Variants in KIT observed in about 807,000 individuals in gnomAD.
KIT encodes the protein mast/stem cell growth factor receptor Kit.
Under a neutral mutation model 105.7 loss-of-function variants are expected in KIT, and 16 were observed. The observed-to-expected ratio is 0.15, with a 90% CI of 0.10 to 0.23. KIT has a LOEUF of 0.23. KIT is among the 10% of genes least tolerant of loss of function. The pLI is 1.00. For missense variants in KIT, 858 were observed against 1,213.8 expected, an observed-to-expected ratio of 0.71 and a Z score of 4.36; for synonymous variants, 438 against 441.1, an observed-to-expected ratio of 0.99 and a Z score of 0.09.
intron 5 of KIT, among the ~76,000 whole-genome samples, chr4:54,706,641 T>G (rs1720811183): frequency 6.6e-6 from 1 of 152,158 alleles, no homozygotes; most frequent in Admixed American, 6.5e-5. Flanking sequence ...TAAGAAGACC[T>G]AAGGTTATTT....
At chr4:54,661,915 G>C (rs1577904893) in intron 1 of KIT, among the ~76,000 whole-genome samples, 1 of 152,306 alleles carries the variant, frequency 6.6e-6, no homozygotes, top group East Asian at 1.9e-4. Context: ...TGATCATACA[G>C]CTCATCTTTT....
intron 7 of KIT, among the ~76,000 whole-genome samples, chr4:54,716,990 G>C (rs1721544819): frequency 6.6e-6 from 1 of 152,138 alleles, no homozygotes; most frequent in Non-Finnish European, 1.5e-5. Context: ...TCTTTTTATA[G>C]ATAATATGTG....
intron 7 of KIT, among the ~76,000 whole-genome samples, chr4:54,716,350 A>G (rs1285011898): frequency 6.6e-6 from 1 of 152,226 alleles, no homozygotes; most frequent in African/African-American, 2.4e-5. Flanking sequence ...TTTTTAAATT[A>G]AAACAATTTT....
At chr4:54,710,213 G>A (rs1721057197) in intron 7 of KIT, among the ~76,000 whole-genome samples, 1 of 152,204 alleles carries the variant, frequency 6.6e-6, no homozygotes, top group African/African-American at 2.4e-5. Context: ...TCATGAGCTG[G>A]ACCTTTTGCC....
At chr4:54,729,766 C>T (rs1371539110) in intron 14 of KIT, among the ~76,000 whole-genome samples, 1 of 152,280 alleles carries the variant, frequency 6.6e-6, no homozygotes, top group East Asian at 1.9e-4. Context: ...GTTTCTCTTA[C>T]GGTTCTGTCC....
chr4:54,705,996 T>C (rs1041458676), intron 5 of KIT, among the ~76,000 whole-genome samples: 10 of 152,224 alleles, frequency 6.6e-5, no homozygotes, highest in Non-Finnish European at 1.5e-4. Flanking sequence ...ATAAAAATAA[T>C]GTTAGCAATT....
intron 2 of KIT, among the ~76,000 whole-genome samples, chr4:54,696,526 G>A (rs1308696981): frequency 1.3e-5 from 2 of 152,192 alleles, no homozygotes; most frequent in Non-Finnish European, 2.9e-5. Flanking sequence ...GGGTGCCCCT[G>A]GACTGGGGCT....
chr4:54,672,314 T>TTTCC (rs34098981), intron 1 of KIT, among the ~76,000 whole-genome samples: 11 of 151,672 alleles, frequency 7.3e-5, no homozygotes, highest in Non-Finnish European at 1.6e-4. Flanking sequence ...GATTTTTTTT[T>TTTCC]TAATGAGGGT....
At chr4:54,667,194 C>A (rs1577912471) in intron 1 of KIT, among the ~76,000 whole-genome samples, 2 of 152,186 alleles carry the variant, frequency 1.3e-5, no homozygotes, top group African/African-American at 4.8e-5. Context: ...CTACCCTTTC[C>A]ATCTGTCCTT....
rs189895949 is a variant in KIT, at chr4:54,680,051, G to A, written c.68-15461G>A. ...AGTCATTATGCAATATTTCTGTTTG[G>A]GATGATGAAAAAGTTCTGGAAATGG... On this transcript the variant is annotated intron_variant, in intron 1 of 20. Transcript: ENST00000288135. 2.6e-3 allele frequency among the ~76,000 whole-genome samples: 398 copies of A among 152,212 alleles called. 1 individual carries two copies. The highest frequency in any genetic ancestry group is 8.5e-3 in the African/African-American group (355 of 41,548).
intron 1 of KIT, among the ~76,000 whole-genome samples, chr4:54,667,335 C>T (rs1717775175): frequency 6.6e-6 from 1 of 152,134 alleles, no homozygotes; most frequent in African/African-American, 2.4e-5. Context: ...TAATACCTGT[C>T]ACTTTGAAAT....
In KIT at chr4:54,707,328, C is replaced by G. The variant is rs372599285; in HGVS notation, c.1115+41C>G. The G allele has an allele frequency of 8.8e-6, 12 of 1,356,086 alleles. No individual in the cohort carries two copies. The East Asian group carries it at 1.8e-4, about 21-fold the overall frequency. 84.0% of individuals were successfully genotyped at this position (1,356,086 alleles called of 1,614,324 possible). On this transcript the variant is annotated intron_variant, in intron 6 of 20. Transcript: ENST00000288135. ...TGCCCTGGGGGATTACACATTACCC[C>G]CTTTTCCAGTGGGCTTATCAGATCT...
In KIT at chr4:54,709,500, G is replaced by T; in HGVS notation, c.1192G>T (p.Asp398Tyr). The T allele has an allele frequency of 6.2e-7, 1 of 1,612,960 alleles. No homozygotes were observed. Among genetic ancestry groups the T allele is most frequent in the Non-Finnish European group, 8.5e-7 (1 of 1,178,914 alleles). ...TTACACATTCCTAGTGTCCAATTCTGACGTCAATGCTGCCATAGCATTTAA... is the reference window on the plus strand; with the variant it reads ...TTACACATTCCTAGTGTCCAATTCTTACGTCAATGCTGCCATAGCATTTAA... ...GTYTFLVSNS[D>Y]VNAAIAFNVY... Residue 398 changes from aspartate (D) to tyrosine (Y), a missense_variant, in exon 7 of 21, where the codon GAC becomes TAC. This residue lies in a region of KIT where 401 missense variants were observed against 601.0 expected (regional missense o/e 0.67). Coordinates refer to ENST00000288135, the MANE Select transcript of KIT (RefSeq NM_000222.3).
chr4:54,734,984 G>T (rs748683926), intron 17 of KIT, among the ~76,000 whole-genome samples: 1 of 152,098 alleles, frequency 6.6e-6, no homozygotes, highest in Non-Finnish European at 1.5e-5. Flanking sequence ...AAAAGTAATT[G>T]TGGGTTTTGC....
intron 7 of KIT, among the ~76,000 whole-genome samples, chr4:54,712,256 C>T (rs1476162077): frequency 2.6e-5 from 4 of 152,116 alleles, no homozygotes; most frequent in Admixed American, 1.3e-4. Context: ...AATACAAGCT[C>T]GGGTTTTTTT....
At chr4:54,731,595 CAT>C (rs1477739984) in intron 15 of KIT, among the ~76,000 whole-genome samples, 176 bp downstream of exon 15, 1 of 152,136 alleles carries the variant, frequency 6.6e-6, no homozygotes, top group East Asian at 1.9e-4. Flanking sequence ...GGGGTCAGAG[CAT>C]ATGTTTTTGT....
At chr4:54,673,925 A>G (rs1168395994) in intron 1 of KIT, among the ~76,000 whole-genome samples, 1 of 152,032 alleles carries the variant, frequency 6.6e-6, no homozygotes, top group Admixed American at 6.6e-5. Flanking sequence ...ATGTGCCACC[A>G]CGCCCAGCTA....
At chr4:54,735,768 G>T (rs1462574952) in intron 17 of KIT, among the ~76,000 whole-genome samples, 1 of 151,966 alleles carries the variant, frequency 6.6e-6, no homozygotes, top group Non-Finnish European at 1.5e-5. Context: ...GAAAGTTTTG[G>T]GTTTTGACAG....
chr4:54,676,172 C>T (rs1324251369), intron 1 of KIT, among the ~76,000 whole-genome samples: 5 of 152,104 alleles, frequency 3.3e-5, no homozygotes, highest in Admixed American at 6.5e-5. Flanking sequence ...GCTGGGTTCC[C>T]GAGTGTGGTC....
Sources: gnomAD v4.1 joint callset for allele counts (sites outside exome capture counted in the v4.1 genomes callset) on GRCh38, gnomAD v4.1.1 for gene constraint, gnomAD v4.1.1 regional missense constraint, MANE v1.5 for transcripts, NCBI Gene and HGNC (gene_info 2026-07-23, HGNC 2026-07-21) for gene names.